Variants in EIF4E3 observed in about 807,000 individuals in gnomAD.
EIF4E3 encodes eukaryotic translation initiation factor 4E family member 3, also known as eukaryotic translation initiation factor 4E type 3.
EIF4E3 carries 26 observed loss-of-function variants against 31.7 expected under a neutral mutation model. That is an observed-to-expected ratio of 0.82 (90% CI 0.60 to 1.14). The LOEUF (loss-of-function observed/expected upper bound fraction) is 1.14. Ranked by LOEUF, EIF4E3 falls within the 50% of genes most tolerant of loss-of-function variation. EIF4E3 has a pLI of 0.00. For synonymous variants in EIF4E3, 128 were observed against 107.7 expected (o/e 1.19, Z -1.17); for missense variants, 304 against 270.9 (o/e 1.12, Z -0.86).
At chr3:71,674,471 C>A (rs704287), downstream of EIF4E3, among the ~76,000 whole-genome samples, 33,451 of 151,942 alleles carry the variant, frequency 0.22, 4,298 homozygotes, top group East Asian at 0.57. Flanking sequence ...AAGTTCATTT[C>A]GGTTTTAAGT....
At chr3:71,684,826 A>G in intron 6 of EIF4E3, 98 bp from the exon 7 acceptor site, 4 of 1,270,292 alleles carry the variant, frequency 3.1e-6, no homozygotes, top group Admixed American at 2.4e-5. Context: ...CAGCTTCCCC[A>G]AATGTTGGCA....
intron 1 of EIF4E3, among the ~76,000 whole-genome samples, chr3:71,723,277 G>A (rs2049579088): frequency 6.6e-6 from 1 of 152,112 alleles, no homozygotes; most frequent in African/African-American, 2.4e-5. Flanking sequence ...TAAAGGTAAT[G>A]GATTCCCACA....
intron 1 of EIF4E3, among the ~76,000 whole-genome samples, chr3:71,712,702 CTG>C (rs1386962427): frequency 6.6e-6 from 1 of 151,372 alleles, no homozygotes; most frequent in African/African-American, 2.4e-5. Flanking sequence ...ATTCAAAAAA[CTG>C]TATTTCAAAA....
chr3:71,733,080 G>A (rs1338025789), intron 1 of EIF4E3, among the ~76,000 whole-genome samples: 1 of 152,178 alleles, frequency 6.6e-6, no homozygotes, highest in African/African-American at 2.4e-5. Context: ...TTGTATGCTC[G>A]TTGGGGATCT....
intron 1 of EIF4E3, among the ~76,000 whole-genome samples, chr3:71,717,828 T>G (rs1362572518): frequency 6.6e-6 from 1 of 152,230 alleles, no homozygotes; most frequent in Admixed American, 6.5e-5. Flanking sequence ...ACTTCAATAA[T>G]GTGAGAATTT....
the EIF4E3 span, among the ~76,000 whole-genome samples, chr3:71,665,602 C>T: frequency 2.0e-5 from 3 of 152,284 alleles, no homozygotes; most frequent in East Asian, 5.8e-4. Flanking sequence ...ACCAAGTGGT[C>T]CTAGTAGACA....
chr3:71,724,768 A>G (rs2049605006), intron 1 of EIF4E3, among the ~76,000 whole-genome samples: 1 of 152,118 alleles, frequency 6.6e-6, no homozygotes, highest in Admixed American at 6.5e-5. Context: ...AACTTTTCCG[A>G]GCGCTGTCAC....
chr3:71,729,837 T>C (rs1253302498), upstream of EIF4E3, among the ~76,000 whole-genome samples: 1 of 150,340 alleles, frequency 6.7e-6, no homozygotes, highest in Non-Finnish European at 1.5e-5. Context: ...TGTGTGTGTG[T>C]GTATTTAAGT....
At chr3:71,690,189 A>G in intron 5 of EIF4E3, 24 bp from the exon 6 acceptor site, 1 of 1,588,732 alleles carries the variant, frequency 6.3e-7, no homozygotes, top group Non-Finnish European at 8.5e-7. Flanking sequence ...AGGAAAAAAA[A>G]AAAATGAGTG....
intron 3 of EIF4E3, among the ~76,000 whole-genome samples, chr3:71,698,649 A>C (rs1169326076): frequency 1.3e-5 from 2 of 152,244 alleles, no homozygotes; most frequent in African/African-American, 4.8e-5. Context: ...AGAAATTGAA[A>C]GGGGACTCAA....
chr3:71,695,687 G>A (rs1484597233), intron 4 of EIF4E3, among the ~76,000 whole-genome samples: 2 of 152,152 alleles, frequency 1.3e-5, no homozygotes, highest in African/African-American at 4.8e-5. Context: ...AATGACTCCA[G>A]CTCAAGCATA....
At chr3:71,696,667 AT>A in intron 3 of EIF4E3, 147 bp from the exon 4 acceptor site, 1 of 867,752 alleles carries the variant, frequency 1.2e-6, no homozygotes, top group Non-Finnish European at 1.7e-6. Context: ...TTTGTTTTTT[AT>A]TTTTTATTAT....
chr3:71,700,992 A>G (rs12630449), intron 2 of EIF4E3, among the ~76,000 whole-genome samples: 16,478 of 152,162 alleles, frequency 0.11, 943 homozygotes, highest in Non-Finnish European at 0.12. Flanking sequence ...TCCCTCTGGC[A>G]TGTGAAGATA....
intron 6 of EIF4E3, among the ~76,000 whole-genome samples, chr3:71,686,667 T>G (rs1401393082): frequency 6.6e-6 from 1 of 151,936 alleles, no homozygotes; most frequent in African/African-American, 2.4e-5. Flanking sequence ...CAGGGTCAAG[T>G]AGAGGTACCA....
At chr3:71,729,717 G>A (rs1044240135), upstream of EIF4E3, among the ~76,000 whole-genome samples, 2 of 151,984 alleles carry the variant, frequency 1.3e-5, no homozygotes, top group African/African-American at 4.8e-5. Flanking sequence ...CTATGCAAAT[G>A]CCACTGTTCT....
rs1189527226 is a variant in EIF4E3, at chr3:71,683,276, T to C, written c.*1406A>G. On this transcript the variant is annotated 3_prime_UTR_variant, in exon 7 of 7. Transcript: ENST00000425534. ...TTAAAGTAGCCTCAAGTCTCTCTGC[T>C]GGTCAACACTGCAAGAGGAATTAAA... is the stretch of plus-strand genomic sequence containing the variant. 2 of 152,218 alleles carry C rather than the reference T, an allele frequency of 1.3e-5. No individual in the cohort carries two copies. The highest frequency in any genetic ancestry group is 2.9e-5 in the Non-Finnish European group (2 of 68,044). The allele number at this position is 152,218 out of a possible 1,614,324, so 9.4% of individuals were successfully genotyped here. A position where few individuals can be genotyped will look rare whatever the true frequency, so the allele number is the denominator to read the frequency against.
chr3:71,696,988 G>A (rs529374972), intron 3 of EIF4E3, among the ~76,000 whole-genome samples: 182 of 150,600 alleles, frequency 1.2e-3, no homozygotes, highest in African/African-American at 4.3e-3. Context: ...AAAGCGCTGG[G>A]ATTACAGACG....
At chr3:71,754,058 C>T, upstream of EIF4E3, 3 of 1,272,706 alleles carry the variant, frequency 2.4e-6, no homozygotes, top group Non-Finnish European at 3.0e-6. The surrounding 1 kb of genome is among the most constrained non-coding windows in gnomAD (Gnocchi z 5.8). Context: ...CGATGGCGAA[C>T]GCGAGCGAGC....
At chr3:71,724,919 G>C (rs532612898) in intron 1 of EIF4E3, among the ~76,000 whole-genome samples, 5 of 152,282 alleles carry the variant, frequency 3.3e-5, no homozygotes, top group Admixed American at 1.3e-4. Context: ...GATCGGAAGG[G>C]AACAAGGGGT....
Sources: gnomAD v4.1 joint callset for allele counts (sites outside exome capture counted in the v4.1 genomes callset) on GRCh38, gnomAD v4.1.1 for gene constraint, Gnocchi (gnomAD v3.1) non-coding constraint, MANE v1.5 for transcripts, NCBI Gene and HGNC (gene_info 2026-07-23, HGNC 2026-07-21) for gene names.